Variants in CWC15 observed in about 807,000 individuals in gnomAD.
CWC15 encodes spliceosome-associated protein CWC15 homolog.
A neutral mutation model predicts 28.4 loss-of-function variants in CWC15; 12 were observed. The ratio of observed to expected loss-of-function variants is 0.42; its 90% CI spans 0.27 to 0.69. The LOEUF is 0.69. CWC15 is among the 30% of genes least tolerant of loss of function. The pLI is 0.23. For synonymous variants in CWC15, 92 were observed against 88.4 expected, an observed-to-expected ratio of 1.04 and a Z score of -0.23; for missense variants, 192 against 271.5, an observed-to-expected ratio of 0.71 and a Z score of 2.06.
rs1045590997 is a variant in CWC15 at position 94,966,315 on chromosome 11, G to A, written c.540C>T (p.Ala180=). The A allele has an allele frequency of 9.0e-6, 14 of 1,552,342 alleles. No individual in the cohort carries two copies. In the Admixed American group the frequency reaches 1.4e-4, roughly 15 times the overall value. Residue 180 remains alanine (A), a synonymous_variant, in exon 6 of 7, where the codon GCC becomes GCT. Coordinates refer to ENST00000279839, the MANE Select transcript of CWC15 (RefSeq NM_016403.4). ...LNLTGPSQPQ[A]NFKVKRRWDD... is the part of the protein sequence containing the mutation. ...AGTACCTTCTTTTAACTTTGAAGTT[G>A]GCCTGAGGCTGGGATGGGCCAGTGA... is the stretch of plus-strand genomic sequence containing the variant.
rs1379485639 is a variant in CWC15, at chr11:94,962,873, T to C, written c.*512A>G. The C allele has an allele frequency of 1.3e-5, 2 of 152,238 alleles. No individual in the cohort carries two copies. The highest frequency in any genetic ancestry group is 4.8e-5 in the African/African-American group (2 of 41,434). 9.4% of individuals were successfully genotyped at this position (152,238 alleles called of 1,614,324 possible). Reference sequence around the variant, plus strand: ...CCAGACACACGCCTGGGGTGCTTACTGTCAATGACACTCCTCCACACCAAC... The same window carrying C: ...CCAGACACACGCCTGGGGTGCTTACCGTCAATGACACTCCTCCACACCAAC... On this transcript the variant is annotated 3_prime_UTR_variant, in exon 7 of 7. Transcript: ENST00000279839.
intron 3 of CWC15, 58 bp from the exon 4 acceptor site, chr11:94,971,123 G>A (rs1857714044): frequency 7.5e-6 from 11 of 1,463,012 alleles, no homozygotes; most frequent in African/African-American, 1.4e-5. Context: ...TTCTTAAAAT[G>A]TTTTAGGGAC....
At chr11:94,967,959 G>C (rs1006741722) in intron 5 of CWC15, among the ~76,000 whole-genome samples, 4 of 152,140 alleles carry the variant, frequency 2.6e-5, no homozygotes, top group East Asian at 3.8e-4. Context: ...AAAGGTTATG[G>C]ACATTTTATG....
At chr11:94,966,545 CTTTTT>C in intron 5 of CWC15, 132 bp from the exon 6 acceptor site, 47 of 237,332 alleles carry the variant, frequency 2.0e-4, no homozygotes, top group South Asian at 5.3e-4. Flanking sequence ...TCAAGGCAGG[CTTTTT>C]TTTTTTTTTT....
chr11:94,970,841 C>A, intron 4 of CWC15, 136 bp downstream of exon 4: 1 of 731,812 alleles, frequency 1.4e-6, no homozygotes. Flanking sequence ...AAGTTTAGCA[C>A]TGAGGTCAGG....
chr11:94,970,652 G>A (rs587736974), intron 4 of CWC15: 55 of 291,390 alleles, frequency 1.9e-4, no homozygotes, highest in African/African-American at 1.1e-3. Flanking sequence ...AGGAAGCCCA[G>A]TATGAAGAGT....
At chr11:94,966,727 AAATT>A (rs1200583298) in intron 5 of CWC15, among the ~76,000 whole-genome samples, 2 of 152,152 alleles carry the variant, frequency 1.3e-5, no homozygotes, top group Non-Finnish European at 1.5e-5. Context: ...AGTACATGTC[AAATT>A]AATTGCTTTA....
chr11:94,967,885 A>G (rs1490906846), intron 5 of CWC15, among the ~76,000 whole-genome samples: 1 of 152,230 alleles, frequency 6.6e-6, no homozygotes, highest in Non-Finnish European at 1.5e-5. Context: ...TATTTCTCTG[A>G]AATACTAGAA....
intron 5 of CWC15, among the ~76,000 whole-genome samples, chr11:94,968,675 G>A (rs1857678545): frequency 6.6e-6 from 1 of 152,146 alleles, no homozygotes; most frequent in African/African-American, 2.4e-5. Context: ...ACAAAACTTT[G>A]ATGAGAATTG....
chr11:94,968,984 C>T (rs1857682668), intron 5 of CWC15, among the ~76,000 whole-genome samples: 1 of 152,188 alleles, frequency 6.6e-6, no homozygotes, highest in Non-Finnish European at 1.5e-5. Context: ...TTAACATGTT[C>T]AAAACAGAAC....
intron 6 of CWC15, among the ~76,000 whole-genome samples, chr11:94,964,827 T>C (rs930219235): frequency 3.3e-5 from 5 of 152,256 alleles, no homozygotes; most frequent in African/African-American, 4.8e-5. Context: ...TAACTAATAA[T>C]CTACCTAACC....
intron 5 of CWC15, among the ~76,000 whole-genome samples, chr11:94,966,752 A>T (rs1857651207): frequency 6.6e-6 from 1 of 152,142 alleles, no homozygotes; most frequent in South Asian, 2.1e-4. Context: ...AATTTTAAGC[A>T]TATATCAATA....
In CWC15 at chr11:94,971,079, A is replaced by G; in HGVS notation, c.245-14T>C. On this transcript the variant is annotated splice_polypyrimidine_tract_variant and intron_variant, in intron 3 of 6. Transcript: ENST00000279839. Reference sequence around the variant, plus strand: ...AGGTTGTATGTTCTGGGGGGAAACAAAAATCATTTAACTTAGTAAAACAAA... The same window carrying G: ...AGGTTGTATGTTCTGGGGGGAAACAGAAATCATTTAACTTAGTAAAACAAA... 1 of 1,598,610 alleles carries G rather than the reference A, an allele frequency of 6.3e-7. No individual in the cohort carries two copies. The highest frequency in any genetic ancestry group is 1.3e-5 in the African/African-American group (1 of 74,708).
Position 94,963,331 on chromosome 11 carries a change from A to G in CWC15, c.*54T>C. On this transcript the variant is annotated 3_prime_UTR_variant, in exon 7 of 7. Coordinates refer to ENST00000279839, the MANE Select transcript of CWC15 (RefSeq NM_016403.4). The stretch of plus-strand genomic sequence containing the variant: ...AAAGAAAAAAAAAACTCATAAAAAA[A>G]GTCAGAATGATCCTTTACGTTTTAC... The G allele has an allele frequency of 2.1e-6, 3 of 1,405,876 alleles. No individual in the cohort carries two copies. The highest frequency in any genetic ancestry group is 2.8e-6 in the Non-Finnish European group (3 of 1,063,136). The allele number at this position is 1,405,876 out of a possible 1,614,324, so 87.1% of individuals were successfully genotyped here.
At chr11:94,968,656 C>T (rs1857678036) in intron 5 of CWC15, among the ~76,000 whole-genome samples, 1 of 152,068 alleles carries the variant, frequency 6.6e-6, no homozygotes, top group African/African-American at 2.4e-5. Context: ...AGGAATTATG[C>T]TCTCTTATAC....
chr11:94,970,885 A>G (rs1370481695), intron 4 of CWC15, 92 bp downstream of exon 4: 1 of 1,033,636 alleles, frequency 9.7e-7, no homozygotes, highest in Non-Finnish European at 1.5e-6. Context: ...AAACATAAAT[A>G]TATGTCACTT....
chr11:94,969,965 A>G, intron 5 of CWC15, 24 bp downstream of exon 5: 1 of 1,453,392 alleles, frequency 6.9e-7, no homozygotes, highest in Non-Finnish European at 9.1e-7. Context: ...AGATAGATGT[A>G]AATATTTAAT....
intron 6 of CWC15, 25 bp downstream of exon 6, chr11:94,966,270 C>CT: frequency 8.7e-7 from 1 of 1,152,428 alleles, no homozygotes; most frequent in Non-Finnish European, 1.3e-6. Context: ...CACACACACT[C>CT]CATTACTCCG....
chr11:94,964,783 T>G (rs782289394), intron 6 of CWC15, among the ~76,000 whole-genome samples: 1 of 152,238 alleles, frequency 6.6e-6, no homozygotes, highest in Non-Finnish European at 1.5e-5. Context: ...GTATAATGTT[T>G]AGAGGCTGGC....
Sources: allele counts gnomAD v4.1 joint callset (sites outside exome capture counted in the v4.1 genomes callset), GRCh38; gene constraint gnomAD v4.1.1; transcripts MANE v1.5; gene names NCBI Gene and HGNC (gene_info 2026-07-23, HGNC 2026-07-21).